ACAN: variants seen among roughly 807,000 people sequenced by gnomAD.
The protein encoded by ACAN is aggrecan, also known as aggrecan core protein.
In ACAN, 47 loss-of-function variants were observed where a neutral mutation model predicts 169.1. That is an observed-to-expected ratio of 0.28 (90% CI 0.22 to 0.35). ACAN has a LOEUF of 0.35. ACAN is among the 10% of genes least tolerant of loss of function. The probability of loss-of-function intolerance (pLI) is 1.00; values close to 1 mark genes in which losing one functional copy is unlikely to be tolerated. For synonymous variants in ACAN, 1,115 were observed against 1,112.2 expected (o/e 1.00, Z -0.05); for missense variants, 2,716 against 2,759.9 (o/e 0.98, Z 0.36).
At chr15:88,852,387 T>C (rs984454897) in intron 11 of ACAN, among the ~76,000 whole-genome samples, 7 of 152,180 alleles carry the variant, frequency 4.6e-5, no homozygotes, top group Admixed American at 3.9e-4. Context: ...CAACCCTCTC[T>C]TGTGGGAAGA....
chr15:88,827,975 C>T (rs868699444), intron 1 of ACAN, among the ~76,000 whole-genome samples: 41 of 152,118 alleles, frequency 2.7e-4, no homozygotes, highest in African/African-American at 9.4e-4. Context: ...GGCCATCGCA[C>T]CCACCCATGC....
At chr15:88,842,627 G>C (rs1296103100) in intron 5 of ACAN, among the ~76,000 whole-genome samples, 1 of 152,064 alleles carries the variant, frequency 6.6e-6, no homozygotes, top group African/African-American at 2.4e-5. Context: ...ACCATCGTAG[G>C]CCCCCTGCCG....
At chr15:88,862,795 C>G (rs1332208967) in intron 13 of ACAN, among the ~76,000 whole-genome samples, 1 of 152,004 alleles carries the variant, frequency 6.6e-6, no homozygotes, top group South Asian at 2.1e-4. Flanking sequence ...GTCAGGAGTT[C>G]GAAACCAGCC....
rs1357608241 is a variant in ACAN at position 88,869,910 on chromosome 15, CT to C, written c.7061-1471del. ...CACAGCCCTGCCCTCCCATACCCAC[CT>C]CCCAGAGAAGTTGCACCCTCCAGCT... On this transcript the variant is annotated intron_variant, in intron 14 of 18. Transcript: ENST00000560601. This position sits in a 1 kb window ranked among gnomAD's most constrained non-coding sequence, Gnocchi z 4.2. 6.6e-6 allele frequency among the ~76,000 whole-genome samples: 1 copy of C among 152,106 alleles called. No individual in the cohort carries two copies. The highest frequency in any genetic ancestry group is 2.4e-5 in the African/African-American group (1 of 41,392).
intron 1 of ACAN, among the ~76,000 whole-genome samples, chr15:88,812,969 G>T (rs1233302831): frequency 6.6e-6 from 1 of 152,176 alleles, no homozygotes; most frequent in African/African-American, 2.4e-5. Flanking sequence ...AACAGGCTTT[G>T]TAGGTGAAAA....
chr15:88,872,930 G>A lies in ACAN; in HGVS notation c.7352G>A (p.Gly2451Glu). ...CAGCCTGACAACTTTTTTGCCGCTG[G>A]AGAGGACTGTGTGGTGATGATCTGG... ...PNQPDNFFAA[G>E]EDCVVMIWHE... Residue 2451 changes from glycine to glutamate, a missense_variant, in exon 17 of 19, where the codon GGA (glycine) becomes GAA (glutamate). Physicochemically the swap from Gly to Glu is moderately conservative, Grantham distance 98. Coordinates refer to ENST00000560601, the MANE Select transcript of ACAN (RefSeq NM_001369268.1). This position sits in a 1 kb window ranked among gnomAD's most constrained non-coding sequence, Gnocchi z 5.4. 6.2e-7 allele frequency: 1 copy of A among 1,613,914 alleles called. No individual in the cohort carries two copies. The highest frequency in any genetic ancestry group is 8.5e-7 in the Non-Finnish European group (1 of 1,179,924).
rs1384840751 is a variant in ACAN, at chr15:88,851,767, C to T, written c.2027-27C>T. The stretch of plus-strand genomic sequence containing the variant: ...ACGGGTCACTGGTAAGAGAGGGACT[C>T]ACTCTGACCACCCACATCTCCTTTA... On this transcript the variant is annotated intron_variant, in intron 10 of 18. Coordinates refer to ENST00000560601, the MANE Select transcript of ACAN (RefSeq NM_001369268.1). The surrounding 1 kb of genome is among the most constrained non-coding windows in gnomAD (Gnocchi z 4.3). 5.8e-6 allele frequency: 9 copies of T among 1,544,216 alleles called. No homozygotes were observed. The highest frequency in any genetic ancestry group is 2.4e-5 in the East Asian group (1 of 41,488).
intron 4 of ACAN, among the ~76,000 whole-genome samples, chr15:88,841,001 CA>C (rs1896644861): frequency 6.6e-6 from 1 of 152,082 alleles, no homozygotes; most frequent in Non-Finnish European, 1.5e-5. Context: ...AAAAATTAGC[CA>C]GGCGTGGTGG....
Position 88,832,319 on chromosome 15 carries a change from G to C in ACAN, c.-7-3881G>C, listed in dbSNP as rs556549218. 3.5e-5 allele frequency among the ~76,000 whole-genome samples: 5 copies of C among 141,986 alleles called. No homozygotes were observed. The South Asian group carries it at 8.9e-4, about 25-fold the overall frequency. The allele number at this position is 141,986 out of a possible 152,430, so 93.1% of individuals were successfully genotyped here. A position where few individuals can be genotyped will look rare whatever the true frequency, so the allele number is the denominator to read the frequency against. ...TAGATACCTTAAAAAAAAAAAAAAA[G>C]ACTAGAATGGCCAGGTACCATGGCT... On this transcript the variant is annotated intron_variant, in intron 1 of 18. Transcript: ENST00000560601.
At chr15:88,860,641 A>G (rs1388741860) in intron 13 of ACAN, among the ~76,000 whole-genome samples, 1 of 152,222 alleles carries the variant, frequency 6.6e-6, no homozygotes, top group African/African-American at 2.4e-5. Context: ...TTTAGGAGAA[A>G]AGAGTCAAGT....
rs1897197050 is a variant in ACAN at position 88,861,688 on chromosome 15, C to T, written c.6946+1249C>T. 6.6e-6 allele frequency among the ~76,000 whole-genome samples: 1 copy of T among 152,016 alleles called. No individual in the cohort carries two copies. The highest frequency in any genetic ancestry group is 2.4e-5 in the African/African-American group (1 of 41,354). On this transcript the variant is annotated intron_variant, in intron 13 of 18. Coordinates refer to ENST00000560601, the MANE Select transcript of ACAN (RefSeq NM_001369268.1). The surrounding 1 kb of genome is among the most constrained non-coding windows in gnomAD (Gnocchi z 6.3). ...AGCATTTCCACTGGGCCATAGTGAC[C>T]CCAGGGACCATAGCTGCACCCCACC...
Position 88,814,193 on chromosome 15 carries a change from G to T in ACAN, c.-8+10384G>T, listed in dbSNP as rs1895885713. ...CCTCGTTTTCCTCATCTGTGAATTG[G>T]GTATAATGACTCCTTCCCGATAGAT... On this transcript the variant is annotated intron_variant, in intron 1 of 18. Transcript: ENST00000560601. The surrounding 1 kb of genome is among the most constrained non-coding windows in gnomAD (Gnocchi z 4.0). Among the ~76,000 whole-genome samples the T allele has an allele frequency of 6.6e-6, 1 of 152,132 alleles. No homozygotes were observed. Among genetic ancestry groups the T allele is most frequent in the African/African-American group, 2.4e-5 (1 of 41,408 alleles).
Position 88,857,914 on chromosome 15 carries a change from A to G in ACAN, c.5329A>G (p.Ser1777Gly), listed in dbSNP as rs1358079504. 1.2e-6 allele frequency: 2 copies of G among 1,613,532 alleles called. No homozygotes were observed. The highest frequency in any genetic ancestry group is 2.2e-5 in the East Asian group (1 of 44,874). The change falls in exon 12 of 19, where the codon AGT (serine) becomes GGT (glycine). Residue 1777 changes from serine (S) to glycine (G), a missense_variant. Ser to Gly is a moderately conservative substitution (Grantham distance 56). This residue lies in a region of ACAN where 1,389 missense variants were observed against 1,363.7 expected (regional missense o/e 1.02). Coordinates refer to ENST00000560601, the MANE Select transcript of ACAN (RefSeq NM_001369268.1). ...AGCATCTGGAGTTCTTTATGGCACTAGTCAACCCTTTGGCATAACTGATCT... is the reference window on the plus strand; with the variant it reads ...AGCATCTGGAGTTCTTTATGGCACTGGTCAACCCTTTGGCATAACTGATCT... ...GEASGVLYGT[S>G]QPFGITDLSG...
rs758178161 is a variant in ACAN, at chr15:88,864,272, CT to C, written c.6946+3846del. On this transcript the variant is annotated intron_variant, in intron 13 of 18. Coordinates refer to ENST00000560601, the MANE Select transcript of ACAN (RefSeq NM_001369268.1). ...AAATAATGATAGCATATGTTATAAC[CT>C]TTTTTTTTTTTTAAGACAGAGTCTC... is the stretch of plus-strand genomic sequence containing the variant. Among the ~76,000 whole-genome samples, 1,164 of 144,578 alleles carry C rather than the reference CT, an allele frequency of 8.1e-3. 7 individuals carry two copies. The highest frequency in any genetic ancestry group is 0.019 in the African/African-American group (761 of 39,740). 94.8% of individuals were successfully genotyped at this position (144,578 alleles called of 152,430 possible).
In ACAN at chr15:88,839,149, C is replaced by G; in HGVS notation, c.454+103C>G. On this transcript the variant is annotated intron_variant, in intron 3 of 18. Transcript: ENST00000560601. This position sits in a 1 kb window ranked among gnomAD's most constrained non-coding sequence, Gnocchi z 4.5. ...CAGGCTGGCCTTCAAACCAGCTCCTCCACGCACCTCAGCCAAGTTACTTAA... is the reference window on the plus strand; with the variant it reads ...CAGGCTGGCCTTCAAACCAGCTCCTGCACGCACCTCAGCCAAGTTACTTAA... 6.9e-7 allele frequency: 1 copy of G among 1,449,388 alleles called. No homozygotes were observed. The highest frequency in any genetic ancestry group is 9.3e-7 in the Non-Finnish European group (1 of 1,074,558). The allele number at this position is 1,449,388 out of a possible 1,614,324, so 89.8% of individuals were successfully genotyped here. A position where few individuals can be genotyped will look rare whatever the true frequency, so the allele number is the denominator to read the frequency against.
intron 1 of ACAN, among the ~76,000 whole-genome samples, chr15:88,820,003 C>G (rs1322249278): frequency 2.0e-5 from 3 of 152,060 alleles, no homozygotes; most frequent in Non-Finnish European, 2.9e-5. Flanking sequence ...TTATTTACCC[C>G]CTCTGAGCCT....
chr15:88,811,868 C>G (rs1895829400), intron 1 of ACAN, among the ~76,000 whole-genome samples: 1 of 152,112 alleles, frequency 6.6e-6, no homozygotes, highest in Non-Finnish European at 1.5e-5. Context: ...ATGGGCATCA[C>G]CCCCACCCCA....
At chr15:88,844,368 TTTATTA>T (rs59329974) in intron 6 of ACAN, among the ~76,000 whole-genome samples, 1 of 149,718 alleles carries the variant, frequency 6.7e-6, no homozygotes, top group Non-Finnish European at 1.5e-5. Flanking sequence ...GTCATTTTAC[TTTATTA>T]TTATTATTAT....
intron 1 of ACAN, among the ~76,000 whole-genome samples, chr15:88,813,750 G>C (rs1200327343): frequency 6.6e-6 from 1 of 152,176 alleles, no homozygotes; most frequent in Non-Finnish European, 1.5e-5. Flanking sequence ...AGGCAGTGGG[G>C]CTAGGATGGA....
Sources: allele counts gnomAD v4.1 joint callset (sites outside exome capture counted in the v4.1 genomes callset), GRCh38; gene constraint gnomAD v4.1.1; regional missense constraint gnomAD v4.1.1; non-coding constraint Gnocchi (gnomAD v3.1); transcripts MANE v1.5; gene names NCBI Gene and HGNC (gene_info 2026-07-23, HGNC 2026-07-21).